Variants in SCN9A observed in about 807,000 individuals in gnomAD.
The protein encoded by SCN9A is sodium voltage-gated channel alpha subunit 9.
Under a neutral mutation model 187.0 loss-of-function variants are expected in SCN9A, and 131 were observed. That is an observed-to-expected ratio of 0.70 (90% CI 0.61 to 0.81). The LOEUF (loss-of-function observed/expected upper bound fraction) is 0.81, where lower values mean the gene tolerates loss of function less well. Among genes scored for constraint, SCN9A ranks in the 30% least tolerant of loss-of-function variants. SCN9A has a pLI of 0.00. For missense variants in SCN9A, 2,252 were observed against 2,396.6 expected (o/e 0.94, Z 1.26); for synonymous variants, 809 against 808.6 (o/e 1.00, Z -0.01).
At position 166,281,862 on chromosome 2, in the gene SCN9A, T is replaced by C. The variant is rs1292500849; in HGVS notation, c.1975-54A>G. 6.6e-6 allele frequency: 10 copies of C among 1,526,224 alleles called. 1 individual carries two copies. In the African/African-American group the frequency reaches 1.1e-4, roughly 17 times the overall value. 94.5% of individuals were successfully genotyped at this position (1,526,224 alleles called of 1,614,324 possible). On this transcript the variant is annotated intron_variant, in intron 12 of 26. Transcript: ENST00000642356. Reference sequence around the variant, plus strand: ...GAACAGAATCCTAATAAATTGTAGGTATAAGATAAAATCTTGCTTATATAG... The same window carrying C: ...GAACAGAATCCTAATAAATTGTAGGCATAAGATAAAATCTTGCTTATATAG...
chr2:166,284,574 A>C lies in SCN9A; in HGVS notation c.1853T>G (p.Met618Arg). The C allele has an allele frequency of 6.2e-7, 1 of 1,614,052 alleles. No individual in the cohort carries two copies. The highest frequency in any genetic ancestry group is 8.5e-7 in the Non-Finnish European group (1 of 1,179,976). Residue 618 changes from methionine (M) to arginine (R), a missense_variant, in exon 12 of 27, where the codon ATG becomes AGG. Transcript: ENST00000642356. ...ACCGTTGCAGTCCACAGCACTGTGC[A>C]TTTTCCCGTTCACCGGCAGCATTGG... is the stretch of plus-strand genomic sequence containing the variant. ...SPPMLPVNGK[M>R]HSAVDCNGVV... is the part of the protein sequence containing the mutation.
intron 16 of SCN9A, among the ~76,000 whole-genome samples, chr2:166,275,310 C>A (rs992717185): frequency 6.6e-6 from 1 of 151,850 alleles, no homozygotes; most frequent in East Asian, 1.9e-4. Flanking sequence ...CACAGCTGGG[C>A]GCAGTAGCTC....
At chr2:166,313,270 C>T (rs149350025) in intron 1 of SCN9A, among the ~76,000 whole-genome samples, 1 of 152,160 alleles carries the variant, frequency 6.6e-6, no homozygotes, top group East Asian at 1.9e-4. Context: ...AGAGAGTCAG[C>T]CTGTTCGTTG....
At chr2:166,306,676 T>C (rs574621082) in intron 3 of SCN9A, 77 bp from the exon 4 acceptor site, 1 of 1,069,788 alleles carries the variant, frequency 9.3e-7, no homozygotes, top group South Asian at 1.4e-5. Context: ...TTGAAATGCT[T>C]ACAACTTTTC....
In SCN9A at chr2:166,278,278, T is replaced by C; in HGVS notation, c.2379A>G (p.Leu793=). 6.2e-7 allele frequency: 1 copy of C among 1,609,670 alleles called. No homozygotes were observed. Among genetic ancestry groups the C allele is most frequent in the Non-Finnish European group, 8.5e-7 (1 of 1,178,452 alleles). ...FTGIFAAEMV[L]KLIAMDPYEY... is the part of the protein sequence containing the mutation. ...CATATGGATCCATGGCAATCAGTTT[T>C]AATACCATTTCAGCTGCAAAGATTC... is the stretch of plus-strand genomic sequence containing the variant. The change falls in exon 15 of 27, where the codon TTA becomes TTG. Residue 793 remains leucine (L), a synonymous_variant. Transcript: ENST00000642356.
Position 166,197,407 on chromosome 2 carries a change from G to A in SCN9A, c.*1265C>T, listed in dbSNP as rs1001676286. On this transcript the variant is annotated 3_prime_UTR_variant, in exon 27 of 27. Transcript: ENST00000642356. ...TCACATCATAGAATTTTAAGGAGAA[G>A]GTGACATCTTCCTCATTGTATACAT... 1 of 152,036 alleles carries A rather than the reference G, an allele frequency of 6.6e-6. No homozygotes were observed. The highest frequency in any genetic ancestry group is 2.1e-4 in the South Asian group (1 of 4,830). 9.4% of individuals were successfully genotyped at this position (152,036 alleles called of 1,614,324 possible). A position where few individuals can be genotyped will look rare whatever the true frequency, so the allele number is the denominator to read the frequency against.
intron 16 of SCN9A, 160 bp downstream of exon 16, chr2:166,276,823 G>T: frequency 3.5e-6 from 2 of 573,694 alleles, no homozygotes. Context: ...ACAAAATTTC[G>T]TTCTCTTTCC....
At chr2:166,295,748 A>G (rs1467833860) in intron 7 of SCN9A, among the ~76,000 whole-genome samples, 1 of 152,194 alleles carries the variant, frequency 6.6e-6, no homozygotes, top group African/African-American at 2.4e-5. Flanking sequence ...TCACCAGTCC[A>G]TACTTACTTA....
At chr2:166,271,582 C>T (rs576293869) in intron 17 of SCN9A, among the ~76,000 whole-genome samples, 2 of 152,108 alleles carry the variant, frequency 1.3e-5, no homozygotes, top group South Asian at 2.1e-4. Flanking sequence ...GATGGCCAGG[C>T]GTGGTGGCTC....
Position 166,286,441 on chromosome 2 carries a change from T to C in SCN9A, c.1497A>G (p.Lys499=). The C allele has an allele frequency of 2.5e-6, 4 of 1,613,930 alleles. No individual in the cohort carries two copies. Among genetic ancestry groups the C allele is most frequent in the Non-Finnish European group, 3.4e-6 (4 of 1,179,838 alleles). ...TGTCCTCTGATTCTGATTTCGACAA[T>C]TTCTCAGCATCTCCCTTTTCCTCTC... is the stretch of plus-strand genomic sequence containing the variant. ...SSGEEKGDAE[K]LSKSESEDSI... Residue 499 remains lysine (K), a synonymous_variant, in exon 11 of 27, where the codon AAA becomes AAG. Coordinates refer to ENST00000642356, the MANE Select transcript of SCN9A (RefSeq NM_001365536.1).
chr2:166,302,688 TATC>T (rs1429546591), intron 7 of SCN9A: 1 of 149,532 alleles, frequency 6.7e-6, no homozygotes, highest in Non-Finnish European at 1.5e-5. Flanking sequence ...TATAAAAATC[TATC>T]ATAATAAATA....
intron 1 of SCN9A, among the ~76,000 whole-genome samples, chr2:166,355,504 G>A (rs940093332): frequency 6.6e-6 from 1 of 151,484 alleles, no homozygotes; most frequent in Non-Finnish European, 1.5e-5. Context: ...GTTTGCCAAG[G>A]GATTGTGTGT....
At chr2:166,243,775 G>T (rs993942159) in intron 18 of SCN9A, among the ~76,000 whole-genome samples, 2 of 151,934 alleles carry the variant, frequency 1.3e-5, no homozygotes, top group African/African-American at 2.4e-5. Context: ...GTAAGTAAAG[G>T]GTTATAAGCA....
At chr2:166,293,481 G>T in intron 8 of SCN9A, 109 bp from the exon 9 acceptor site, 1 of 917,770 alleles carries the variant, frequency 1.1e-6, no homozygotes, top group Non-Finnish European at 1.6e-6. Context: ...GGACAATATT[G>T]AATAAGGATT....
chr2:166,356,940 C>A lies in SCN9A; in HGVS notation c.-51+18757G>T, dbSNP rs190666356. On this transcript the variant is annotated intron_variant, in intron 1 of 26. Transcript: ENST00000642356. ...CTCATTAGTTTTTTTCTTTTTTTAA[C>A]CTACTCTTTTGTGGGCTCTTTTTGT... is the stretch of plus-strand genomic sequence containing the variant. Among the ~76,000 whole-genome samples the A allele has an allele frequency of 3.1e-3, 464 of 152,066 alleles. 2 individuals carry two copies. The highest frequency in any genetic ancestry group is 0.011 in the African/African-American group (446 of 41,494).
In SCN9A at chr2:166,293,368, A is replaced by G; in HGVS notation, c.970T>C (p.Cys324Arg). 1 of 1,604,712 alleles carries G rather than the reference A, an allele frequency of 6.2e-7. No individual in the cohort carries two copies. Among genetic ancestry groups the G allele is most frequent in the Non-Finnish European group, 8.5e-7 (1 of 1,175,158 alleles). Residue 324 changes from cysteine to arginine, a missense_variant, in exon 9 of 27, where the codon TGT (cysteine) becomes CGT (arginine). Cys to Arg is a radical substitution (Grantham distance 180, BLOSUM62 -3). Coordinates refer to ENST00000642356, the MANE Select transcript of SCN9A (RefSeq NM_001365536.1). Reference sequence around the variant, plus strand: ...TTCACACAGGTGTACCCCTCTGGACACTGACTACACACGAGAAAGAACATT... The same window carrying G: ...TTCACACAGGTGTACCCCTCTGGACGCTGACTACACACGAGAAAGAACATT... ...LCGFSTDSGQ[C>R]PEGYTCVKIG...
intron 26 of SCN9A, among the ~76,000 whole-genome samples, chr2:166,201,684 TA>T (rs1175292680): frequency 6.7e-6 from 1 of 150,026 alleles, no homozygotes; most frequent in Non-Finnish European, 1.5e-5. Context: ...ACATACTCTA[TA>T]CTATATACAT....
At chr2:166,200,892 T>A (rs758099302) in intron 26 of SCN9A, among the ~76,000 whole-genome samples, 1 of 152,184 alleles carries the variant, frequency 6.6e-6, no homozygotes, top group Non-Finnish European at 1.5e-5. Context: ...CACCTCGGCC[T>A]CCCAATGTGC....
At chr2:166,336,288 A>G (rs1699625734) in intron 1 of SCN9A, among the ~76,000 whole-genome samples, 1 of 152,156 alleles carries the variant, frequency 6.6e-6, no homozygotes, top group Admixed American at 6.6e-5. Context: ...AATGGCTCCA[A>G]CTGTCAAATT....
Sources: allele counts gnomAD v4.1 joint callset (sites outside exome capture counted in the v4.1 genomes callset), GRCh38; gene constraint gnomAD v4.1.1; transcripts MANE v1.5; gene names NCBI Gene and HGNC (gene_info 2026-07-23, HGNC 2026-07-21).